PRKCA: variants seen among roughly 807,000 people sequenced by gnomAD.
PRKCA encodes protein kinase C alpha.
A neutral mutation model predicts 87.0 loss-of-function variants in PRKCA; 27 were observed. The observed-to-expected ratio is 0.31, with a 90% confidence interval of 0.23 to 0.43. PRKCA has a LOEUF of 0.43. PRKCA is among the 20% of genes least tolerant of loss of function. The pLI, the probability that PRKCA is intolerant of heterozygous loss-of-function variation, is 1.00. For missense variants in PRKCA, 518 were observed against 852.3 expected, an observed-to-expected ratio of 0.61 and a Z score of 4.88; for synonymous variants, 329 against 311.1, an observed-to-expected ratio of 1.06 and a Z score of -0.61.
chr17:66,352,019 A>G (rs1434995882), intron 2 of PRKCA, among the ~76,000 whole-genome samples: 9 of 152,168 alleles, frequency 5.9e-5, no homozygotes. Flanking sequence ...TCAAATGCAG[A>G]CAGACACAAG....
At chr17:66,487,113 A>G (rs757864447) in intron 2 of PRKCA, among the ~76,000 whole-genome samples, 2 of 152,208 alleles carry the variant, frequency 1.3e-5, no homozygotes, top group Non-Finnish European at 2.9e-5. Flanking sequence ...CTGCTGTGCT[A>G]TCGATTACTA....
At position 66,726,604 on chromosome 17, in the gene PRKCA, CG is replaced by C. The variant is rs373019529; in HGVS notation, c.919-6082del. On this transcript the variant is annotated intron_variant, in intron 8 of 16. Coordinates refer to ENST00000413366, the MANE Select transcript of PRKCA (RefSeq NM_002737.3). ...CAGGCTGGCATGGCTGGGACCGAGG[CG>C]GAGGGAGTGGTGGGAAATAAGCCGA... Among the ~76,000 whole-genome samples the C allele has an allele frequency of 1.2e-3, 178 of 152,076 alleles. 1 individual carries two copies. Among genetic ancestry groups the C allele is most frequent in the African/African-American group, 4.2e-3 (175 of 41,482 alleles).
At chr17:66,332,937 C>T (rs1158765914) in intron 2 of PRKCA, among the ~76,000 whole-genome samples, 2 of 152,140 alleles carry the variant, frequency 1.3e-5, no homozygotes, top group Non-Finnish European at 2.9e-5. Flanking sequence ...GTGATCCACC[C>T]GCCTTGGCCT....
chr17:66,687,923 T>C (rs1972671923), intron 6 of PRKCA, among the ~76,000 whole-genome samples: 1 of 152,220 alleles, frequency 6.6e-6, no homozygotes, highest in South Asian at 2.1e-4. Flanking sequence ...CTGTCTGTTC[T>C]AGAGGGACCA....
chr17:66,637,022 G>T (rs1971166541), intron 3 of PRKCA, among the ~76,000 whole-genome samples: 1 of 152,186 alleles, frequency 6.6e-6, no homozygotes, highest in Non-Finnish European at 1.5e-5. Context: ...ATTTTGGGGT[G>T]TGACAACTCC....
chr17:66,402,524 A>C (rs910255560), intron 2 of PRKCA, among the ~76,000 whole-genome samples: 3 of 151,512 alleles, frequency 2.0e-5, no homozygotes, highest in Non-Finnish European at 4.4e-5. Context: ...GGCTTGCTCC[A>C]TATCACCTAC....
chr17:66,761,227 G>A (rs185544138), intron 13 of PRKCA, among the ~76,000 whole-genome samples: 17 of 151,728 alleles, frequency 1.1e-4, no homozygotes, highest in Non-Finnish European at 2.2e-4. Context: ...AAAATTAGCC[G>A]GGTGTGGTGG....
At chr17:66,782,936 G>A (rs941304919) in intron 14 of PRKCA, among the ~76,000 whole-genome samples, 8 of 152,218 alleles carry the variant, frequency 5.3e-5, no homozygotes, top group South Asian at 2.1e-4. Flanking sequence ...CACCCAAGCC[G>A]TCTGCACAGC....
At chr17:66,630,951 C>T (rs1567943139) in intron 3 of PRKCA, among the ~76,000 whole-genome samples, 1 of 152,078 alleles carries the variant, frequency 6.6e-6, no homozygotes, top group Non-Finnish European at 1.5e-5. Flanking sequence ...TACACCCGGC[C>T]CTGTTGACTT....
At chr17:66,609,248 C>T (rs1484735567) in intron 3 of PRKCA, among the ~76,000 whole-genome samples, 2 of 152,096 alleles carry the variant, frequency 1.3e-5, no homozygotes, top group African/African-American at 4.8e-5. Context: ...TCCTTTTAAA[C>T]CCATTCCATT....
At chr17:66,368,287 T>TAC (rs912853108) in intron 2 of PRKCA, among the ~76,000 whole-genome samples, 7 of 149,480 alleles carry the variant, frequency 4.7e-5, no homozygotes, top group Admixed American at 2.7e-4. Context: ...CCTATATATA[T>TAC]ACACACATAT....
At chr17:66,303,122 G>C (rs1381686422) in intron 1 of PRKCA, 98 bp downstream of exon 1, 2 of 1,473,942 alleles carry the variant, frequency 1.4e-6, no homozygotes, top group African/African-American at 2.9e-5. Context: ...GGCTCACTCC[G>C]ATAACTTGGA....
intron 2 of PRKCA, among the ~76,000 whole-genome samples, chr17:66,390,471 C>T (rs1910299494): frequency 6.6e-6 from 1 of 152,124 alleles, no homozygotes; most frequent in South Asian, 2.1e-4. Flanking sequence ...AGAAACACTC[C>T]ATTTTAAAGA....
intron 2 of PRKCA, among the ~76,000 whole-genome samples, chr17:66,419,416 T>C (rs980241878): frequency 2.6e-5 from 4 of 152,250 alleles, no homozygotes; most frequent in African/African-American, 9.6e-5. Flanking sequence ...TTAAATGTTA[T>C]TTTAAGGTTA....
chr17:66,617,622 A>G (rs981380619), intron 3 of PRKCA, among the ~76,000 whole-genome samples: 30 of 152,192 alleles, frequency 2.0e-4, no homozygotes, highest in Non-Finnish European at 3.8e-4. Flanking sequence ...AAGAAACCAC[A>G]AGGCAGCCAC....
intron 3 of PRKCA, among the ~76,000 whole-genome samples, chr17:66,559,721 G>A (rs1968624365): frequency 6.6e-6 from 1 of 151,952 alleles, no homozygotes; most frequent in African/African-American, 2.4e-5. Context: ...ATTTATTTAA[G>A]GATTAAGCCA....
intron 5 of PRKCA, among the ~76,000 whole-genome samples, chr17:66,648,527 G>C (rs1039790496): frequency 2.0e-5 from 3 of 152,216 alleles, no homozygotes; most frequent in African/African-American, 7.2e-5. Flanking sequence ...CACATGCGGA[G>C]AGAAGATATT....
At chr17:66,766,808 CA>C (rs559889725) in intron 13 of PRKCA, among the ~76,000 whole-genome samples, 35,577 of 104,408 alleles carry the variant, frequency 0.34, 4,212 homozygotes, top group East Asian at 0.41. Flanking sequence ...AACTCCTTCT[CA>C]AAAAAAAAAA....
intron 2 of PRKCA, among the ~76,000 whole-genome samples, chr17:66,378,785 C>T (rs1909621854): frequency 6.6e-6 from 1 of 151,696 alleles, no homozygotes; most frequent in African/African-American, 2.4e-5. Context: ...GCTGTAATCC[C>T]AGCTACTTGG....
Sources: allele counts gnomAD v4.1 joint callset (sites outside exome capture counted in the v4.1 genomes callset), GRCh38; gene constraint gnomAD v4.1.1; transcripts MANE v1.5; gene names NCBI Gene and HGNC (gene_info 2026-07-23, HGNC 2026-07-21).